ANAPC10: variants seen among roughly 807,000 people sequenced by gnomAD.
The protein encoded by ANAPC10 is anaphase promoting complex subunit 10.
A neutral mutation model predicts 22.0 loss-of-function variants in ANAPC10; 12 were observed. That is an observed-to-expected ratio of 0.55 (90% CI 0.35 to 0.88). The LOEUF is 0.88. Among genes scored for constraint, ANAPC10 ranks in the 40% least tolerant of loss-of-function variants. The probability of loss-of-function intolerance (pLI) is 0.01; values close to 1 mark genes in which losing one functional copy is unlikely to be tolerated. For synonymous variants in ANAPC10, 65 were observed against 69.5 expected (o/e 0.94, Z 0.32); for missense variants, 188 against 220.9 (o/e 0.85, Z 0.94).
At chr4:145,017,058 T>C (rs1214926467) in intron 4 of ANAPC10, among the ~76,000 whole-genome samples, 1 of 152,190 alleles carries the variant, frequency 6.6e-6, no homozygotes, top group Non-Finnish European at 1.5e-5. Context: ...GACATAGGCA[T>C]GGGCAAGGAC....
intron 4 of ANAPC10, among the ~76,000 whole-genome samples, chr4:145,017,398 T>C (rs1560828027): frequency 6.6e-6 from 1 of 152,122 alleles, no homozygotes; most frequent in Non-Finnish European, 1.5e-5. Context: ...ATCAGAGAAA[T>C]GCAAATCAAA....
intron 4 of ANAPC10, among the ~76,000 whole-genome samples, chr4:145,047,458 A>G (rs759237586): frequency 2.6e-5 from 4 of 152,192 alleles, no homozygotes; most frequent in Non-Finnish European, 5.9e-5. Flanking sequence ...AATGGAGTTC[A>G]GTGAGTCATG....
chr4:145,071,266 C>A (rs547712366), intron 3 of ANAPC10, among the ~76,000 whole-genome samples: 2 of 152,004 alleles, frequency 1.3e-5, no homozygotes, highest in African/African-American at 2.4e-5. Context: ...ATTAGCCAGG[C>A]GTGGTGATGC....
chr4:145,048,401 T>C (rs138318244), intron 4 of ANAPC10, among the ~76,000 whole-genome samples: 10 of 152,180 alleles, frequency 6.6e-5, no homozygotes, highest in African/African-American at 2.2e-4. Flanking sequence ...TGTTACCACA[T>C]GGGTCACAAA....
chr4:145,011,010 TC>T (rs1452309572), intron 4 of ANAPC10, among the ~76,000 whole-genome samples: 1 of 151,916 alleles, frequency 6.6e-6, no homozygotes, highest in East Asian at 1.9e-4. Flanking sequence ...ATGAAGAAGG[TC>T]TGGACTTTTA....
At chr4:145,088,549 T>C (rs1045066862) in intron 2 of ANAPC10, among the ~76,000 whole-genome samples, 2 of 152,220 alleles carry the variant, frequency 1.3e-5, no homozygotes, top group African/African-American at 4.8e-5. Context: ...TTTCCTCCTG[T>C]GAATCGTAAT....
chr4:145,019,630 C>T (rs2126978957), intron 4 of ANAPC10, among the ~76,000 whole-genome samples: 1 of 152,070 alleles, frequency 6.6e-6, no homozygotes, highest in Non-Finnish European at 1.5e-5. Flanking sequence ...AACAAAATTA[C>T]AAAAGATAAA....
At chr4:145,006,176 T>G in intron 4 of ANAPC10, among the ~76,000 whole-genome samples, 1 of 151,518 alleles carries the variant, frequency 6.6e-6, no homozygotes, top group Non-Finnish European at 1.5e-5. Context: ...TAAGTCCTCT[T>G]CTTGAATTGA....
intron 4 of ANAPC10, among the ~76,000 whole-genome samples, chr4:145,010,582 C>T (rs1323107341): frequency 1.3e-5 from 2 of 151,990 alleles, no homozygotes; most frequent in Admixed American, 1.3e-4. Flanking sequence ...GACAGAACAC[C>T]GAACACCACA....
intron 3 of ANAPC10, among the ~76,000 whole-genome samples, chr4:145,069,823 A>G (rs1052163593): frequency 3.3e-5 from 5 of 152,176 alleles, no homozygotes; most frequent in African/African-American, 9.7e-5. Flanking sequence ...TTAATGAACA[A>G]GCAGAAATGA....
intron 4 of ANAPC10, among the ~76,000 whole-genome samples, chr4:145,000,523 G>T (rs1732362326): frequency 6.6e-6 from 1 of 152,172 alleles, no homozygotes; most frequent in Non-Finnish European, 1.5e-5. Context: ...AGTTAGAATG[G>T]CAATCATTAA....
intron 3 of ANAPC10, among the ~76,000 whole-genome samples, chr4:145,075,579 T>G (rs1375896136): frequency 1.3e-5 from 2 of 151,832 alleles, no homozygotes; most frequent in Non-Finnish European, 1.5e-5. Context: ...GACCCTGGGC[T>G]GAAAGGGGAG....
intron 4 of ANAPC10, among the ~76,000 whole-genome samples, chr4:145,052,952 C>T (rs1025693481): frequency 4.0e-5 from 6 of 150,936 alleles, no homozygotes; most frequent in African/African-American, 1.5e-4. Context: ...AGCATATATA[C>T]AGTCTCAGGG....
At chr4:144,998,522 G>A (rs1034373760) in intron 4 of ANAPC10, among the ~76,000 whole-genome samples, 1 of 152,110 alleles carries the variant, frequency 6.6e-6, no homozygotes, top group Non-Finnish European at 1.5e-5. Context: ...TGACTACTGG[G>A]TACATAACAA....
intron 4 of ANAPC10, among the ~76,000 whole-genome samples, chr4:145,036,995 CGTGTGTGTGTGTGTGTGTGTGTGTGTGT>C (rs202100756): frequency 7.6e-6 from 1 of 131,244 alleles, no homozygotes; most frequent in South Asian, 2.8e-4. Context: ...AAATAGATAA[CGTGTGTGTGTGTGTGTGTGTGTGTGTGT>C]GTGTGTGTGT....
In ANAPC10 at chr4:145,078,605, C is replaced by T. The variant is rs1006097160; in HGVS notation, c.206+3055G>A. ...AAAAAGAACAAAGCTGGAGGCATCA[C>T]ATTACCCCCAACTTCAAACTAAACT... On this transcript the variant is annotated intron_variant, in intron 3 of 4. Transcript: ENST00000507656. Among the ~76,000 whole-genome samples the T allele has an allele frequency of 1.1e-4, 16 of 152,132 alleles. 1 individual carries two copies. Among genetic ancestry groups the T allele is most frequent in the Non-Finnish European group, 1.8e-4 (12 of 68,018 alleles).
Position 145,081,838 on chromosome 4 carries a change from G to C in ANAPC10, c.116-88C>G. 18 of 931,476 alleles carry C rather than the reference G, an allele frequency of 1.9e-5. No individual in the cohort carries two copies. The South Asian group carries it at 2.6e-4, about 13-fold the overall frequency. The allele number at this position is 931,476 out of a possible 1,614,324, so 57.7% of individuals were successfully genotyped here. A position where few individuals can be genotyped will look rare whatever the true frequency, so the allele number is the denominator to read the frequency against. On this transcript the variant is annotated intron_variant, in intron 2 of 4. Transcript: ENST00000507656. ...TAAAATTAACATATGTATTTGTCCA[G>C]AAATTTTGATAAACAGAAAGGTCAG...
intron 4 of ANAPC10, among the ~76,000 whole-genome samples, chr4:145,039,073 C>T (rs1408782269): frequency 1.4e-4 from 11 of 76,060 alleles, no homozygotes; most frequent in Admixed American, 1.4e-3. Flanking sequence ...AAGAAGCAGG[C>T]AACAAATTCA....
intron 4 of ANAPC10, among the ~76,000 whole-genome samples, chr4:145,060,170 T>A (rs1449445192): frequency 6.6e-6 from 1 of 152,100 alleles, no homozygotes. Flanking sequence ...TTATGTGGAA[T>A]AGGATATTTT....
Sources: gnomAD v4.1 joint callset for allele counts (sites outside exome capture counted in the v4.1 genomes callset) on GRCh38, gnomAD v4.1.1 for gene constraint, MANE v1.5 for transcripts, NCBI Gene and HGNC (gene_info 2026-07-23, HGNC 2026-07-21) for gene names.